DRC1: variants seen among roughly 807,000 people sequenced by gnomAD.
The protein encoded by DRC1 is dynein regulatory complex subunit 1, also known as dynein regulatory complex protein 1.
DRC1 carries 74 observed loss-of-function variants against 98.7 expected under a neutral mutation model. The ratio of observed to expected loss-of-function variants is 0.75; its 90% CI spans 0.62 to 0.91. The LOEUF (loss-of-function observed/expected upper bound fraction) is 0.91, where lower values mean the gene tolerates loss of function less well. Ranked by LOEUF, DRC1 falls within the 40% of genes least tolerant of loss-of-function variation. DRC1 has a pLI of 0.00. For synonymous variants in DRC1, 336 were observed against 334.1 expected (o/e 1.01, Z -0.06); for missense variants, 875 against 886.0 (o/e 0.99, Z 0.16).
chr2:26,404,880 G>A (rs753778032), intron 1 of DRC1, among the ~76,000 whole-genome samples: 2 of 152,164 alleles, frequency 1.3e-5, no homozygotes, highest in Non-Finnish European at 2.9e-5. Context: ...TAAGTGGGTG[G>A]GAGCATGCTT....
rs767319066 is a variant in DRC1, at chr2:26,431,855, A to C, written c.766-29A>C. 3.1e-6 allele frequency: 5 copies of C among 1,612,382 alleles called. No homozygotes were observed. In the South Asian group the frequency reaches 5.5e-5, roughly 18 times the overall value. On this transcript the variant is annotated intron_variant, in intron 6 of 16. Coordinates refer to ENST00000288710, the MANE Select transcript of DRC1 (RefSeq NM_145038.5). ...TGAGGTGGGGCAAGGATGGTCCCTA[A>C]CTTTTCCCTTGTCTTCCTGTGCCTT...
chr2:26,426,246 C>T (rs540396820), intron 4 of DRC1, among the ~76,000 whole-genome samples: 3 of 152,164 alleles, frequency 2.0e-5, no homozygotes, highest in Non-Finnish European at 4.4e-5. Flanking sequence ...CTTGTCAAAG[C>T]CATTTGGTCA....
intron 14 of DRC1, among the ~76,000 whole-genome samples, chr2:26,453,959 T>C (rs755520203): frequency 8.6e-5 from 13 of 151,924 alleles, no homozygotes; most frequent in Non-Finnish European, 1.3e-4. Context: ...GCAGATAAAA[T>C]GGAGGTAAGG....
At chr2:26,456,342 T>G (rs1308406838) in intron 16 of DRC1, 119 bp from the exon 17 acceptor site, 10 of 1,238,308 alleles carry the variant, frequency 8.1e-6, no homozygotes, top group Non-Finnish European at 1.2e-5. Flanking sequence ...CTCTCAGCTT[T>G]GGAGAGGAGA....
chr2:26,417,977 AT>A (rs1486972462), intron 2 of DRC1, among the ~76,000 whole-genome samples: 2 of 151,634 alleles, frequency 1.3e-5, no homozygotes, highest in Admixed American at 6.6e-5. Flanking sequence ...TATATCTTCT[AT>A]TTTTTTCTTC....
intron 1 of DRC1, among the ~76,000 whole-genome samples, chr2:26,403,563 G>A (rs1678320718): frequency 6.6e-6 from 1 of 152,168 alleles, no homozygotes; most frequent in African/African-American, 2.4e-5. Flanking sequence ...GGGAGGCCAA[G>A]GCAGGAGGAT....
rs115969695 is a variant in DRC1 at position 26,413,270 on chromosome 2, T to C, written c.156-1074T>C. 4.8e-3 allele frequency among the ~76,000 whole-genome samples: 727 copies of C among 152,358 alleles called. 2 individuals are homozygous for C. Among genetic ancestry groups the C allele is most frequent in the African/African-American group, 0.016 (681 of 41,590 alleles). ...CAGCTACTAATATGTATGTAGAATG[T>C]TTCCATGGTCTTACGAGTATTGTCA... On this transcript the variant is annotated intron_variant, in intron 1 of 16. Coordinates refer to ENST00000288710, the MANE Select transcript of DRC1 (RefSeq NM_145038.5).
chr2:26,453,111 C>G (rs1334895094), intron 13 of DRC1, among the ~76,000 whole-genome samples: 1 of 152,174 alleles, frequency 6.6e-6, no homozygotes, highest in Non-Finnish European at 1.5e-5. Flanking sequence ...GAAACAGAAC[C>G]TTTCCATTTT....
chr2:26,441,648 G>C (rs748560349), intron 8 of DRC1, among the ~76,000 whole-genome samples: 1 of 152,206 alleles, frequency 6.6e-6, no homozygotes, highest in African/African-American at 2.4e-5. Context: ...AGTGCTGGCA[G>C]CTGGGAATGG....
At chr2:26,414,295 A>G in intron 1 of DRC1, 49 bp from the exon 2 acceptor site, 1 of 1,598,050 alleles carries the variant, frequency 6.3e-7, no homozygotes. Context: ...TAAATATAGA[A>G]TTTACGTATT....
intron 7 of DRC1, among the ~76,000 whole-genome samples, chr2:26,434,476 A>G (rs1663519300): frequency 6.6e-6 from 1 of 152,262 alleles, no homozygotes; most frequent in South Asian, 2.1e-4. Flanking sequence ...CTTTAAAACC[A>G]GAATATTAAT....
intron 4 of DRC1, among the ~76,000 whole-genome samples, chr2:26,428,753 G>A (rs1443981366): frequency 1.3e-5 from 2 of 151,596 alleles, no homozygotes; most frequent in East Asian, 1.9e-4. Context: ...GGCCGAGATC[G>A]AGCCACTACA....
chr2:26,410,827 C>CAA (rs1678584211), intron 1 of DRC1, among the ~76,000 whole-genome samples: 1 of 151,602 alleles, frequency 6.6e-6, no homozygotes, highest in African/African-American at 2.4e-5. Flanking sequence ...AAACAAAACA[C>CAA]AACAAAACAA....
chr2:26,436,864 C>A (rs1408654843), intron 7 of DRC1, among the ~76,000 whole-genome samples: 3 of 152,150 alleles, frequency 2.0e-5, no homozygotes, highest in African/African-American at 7.2e-5. Flanking sequence ...TCAGGGCCCC[C>A]ACATGGGTCA....
intron 3 of DRC1, among the ~76,000 whole-genome samples, chr2:26,422,955 A>G (rs1663184294): frequency 6.6e-6 from 1 of 151,284 alleles, no homozygotes; most frequent in Non-Finnish European, 1.5e-5. Flanking sequence ...CCACTTGACC[A>G]TTTTGTCTCA....
At chr2:26,418,561 T>C (rs1678896163) in intron 2 of DRC1, among the ~76,000 whole-genome samples, 1 of 106,532 alleles carries the variant, frequency 9.4e-6, no homozygotes, top group East Asian at 2.5e-4. Flanking sequence ...ATATAATTTA[T>C]ATATAATATA....
chr2:26,452,660 A>G (rs1358648969), intron 13 of DRC1, among the ~76,000 whole-genome samples: 1 of 152,234 alleles, frequency 6.6e-6, no homozygotes, highest in Non-Finnish European at 1.5e-5. Context: ...TGAGGAATCT[A>G]TTTAATAATA....
rs1663790601 is a variant in DRC1 at position 26,444,231 on chromosome 2, T to C, written c.1038T>C (p.Asp346=). ...TTTCTCCTTCAACCAGCCTGCATGA[T>C]ATACTTAACAATCTGAGATCAAAAT... is the stretch of plus-strand genomic sequence containing the variant. ...QQKRKINRLH[D]ILNNLRSKYA... Residue 346 remains aspartate (D), a synonymous_variant, in exon 9 of 17, where the codon GAT becomes GAC. Coordinates refer to ENST00000288710, the MANE Select transcript of DRC1 (RefSeq NM_145038.5). 1 of 1,614,166 alleles carries C rather than the reference T, an allele frequency of 6.2e-7. No individual in the cohort carries two copies. The highest frequency in any genetic ancestry group is 8.5e-7 in the Non-Finnish European group (1 of 1,180,044).
At chr2:26,418,524 A>G (rs1266976602) in intron 2 of DRC1, among the ~76,000 whole-genome samples, 12 of 121,474 alleles carry the variant, frequency 9.9e-5, no homozygotes, top group Non-Finnish European at 1.9e-4. Flanking sequence ...ATTATATATT[A>G]ATAATATACA....
Sources: gnomAD v4.1 joint callset for allele counts (sites outside exome capture counted in the v4.1 genomes callset) on GRCh38, gnomAD v4.1.1 for gene constraint, MANE v1.5 for transcripts, NCBI Gene and HGNC (gene_info 2026-07-23, HGNC 2026-07-21) for gene names.